GRIP2: variants seen among roughly 807,000 people sequenced by gnomAD.
The protein encoded by GRIP2 is glutamate receptor interacting protein 2, also known as glutamate receptor-interacting protein 2.
Under a neutral mutation model 108.3 loss-of-function variants are expected in GRIP2, and 58 were observed. The ratio of observed to expected loss-of-function variants is 0.54; its 90% CI spans 0.43 to 0.67. The LOEUF is 0.67. Ranked by LOEUF, GRIP2 falls within the 30% of genes least tolerant of loss-of-function variation. The pLI, the probability that GRIP2 is intolerant of heterozygous loss-of-function variation, is 0.00. For missense variants in GRIP2, 1,278 were observed against 1,430.6 expected (o/e 0.89, Z 1.72); for synonymous variants, 586 against 598.2 (o/e 0.98, Z 0.30).
intron 1 of GRIP2, among the ~76,000 whole-genome samples, chr3:14,526,628 TTA>T (rs1694560846): frequency 6.6e-6 from 1 of 152,204 alleles, no homozygotes. Context: ...TTTGAAAAGC[TTA>T]ATAGATGTAC....
chr3:14,514,394 AG>A lies in GRIP2; in HGVS notation c.1390del (p.Leu464SerfsTer95). 1 of 1,574,272 alleles carries A rather than the reference AG, an allele frequency of 6.4e-7. No homozygotes were observed. Among genetic ancestry groups the A allele is most frequent in the South Asian group, 1.2e-5 (1 of 85,392 alleles). ...TTEVVLCGDP[L>X]SGFGLQLQGG... is the part of the protein sequence containing the mutation. ...CTGGAGCTGGAGGCCAAAGCCGCTG[AG>A]GGGGTCTCCACAGAGCACGACCTCC... is the stretch of plus-strand genomic sequence containing the variant. On this transcript the variant is annotated frameshift_variant, in exon 12 of 24. Coordinates refer to ENST00000621039, the MANE Select transcript of GRIP2 (RefSeq NM_001080423.4). LOFTEE classifies it high-confidence loss of function.
intron 1 of GRIP2, among the ~76,000 whole-genome samples, chr3:14,553,656 C>T (rs1159300784): frequency 1.3e-5 from 2 of 152,152 alleles, no homozygotes; most frequent in Admixed American, 6.6e-5. Flanking sequence ...GGGCCTTACC[C>T]AGAAAAGATG....
chr3:14,524,565 T>G, intron 3 of GRIP2, 27 bp from the exon 4 acceptor site: 2 of 1,548,592 alleles, frequency 1.3e-6, no homozygotes, highest in Non-Finnish European at 1.7e-6. Flanking sequence ...AGGGCACACA[T>G]GGTAACAGGT....
At position 14,512,730 on chromosome 3, in the gene GRIP2, C is replaced by A. The variant is rs749102721; in HGVS notation, c.1720+47G>T. ...AGCTTGGCAAGCTCTTTTTCCCCAG[C>A]AGTTGAGCTCGCTCCCAGGGGCAAA... is the stretch of plus-strand genomic sequence containing the variant. On this transcript the variant is annotated intron_variant, in intron 14 of 23. Transcript: ENST00000621039. The surrounding 1 kb of genome is among the most constrained non-coding windows in gnomAD (Gnocchi z 5.1). 69 of 1,554,912 alleles carry A rather than the reference C, an allele frequency of 4.4e-5. 1 individual carries two copies. In the South Asian group the frequency reaches 7.7e-4, roughly 17 times the overall value.
At chr3:14,599,116 C>G in the GRIP2 span, among the ~76,000 whole-genome samples, 1 of 152,196 alleles carries the variant, frequency 6.6e-6, no homozygotes, top group African/African-American at 2.4e-5. Flanking sequence ...AATGTAAACT[C>G]TGTTTCACAG....
At chr3:14,555,286 A>T (rs972365023) in intron 1 of GRIP2, among the ~76,000 whole-genome samples, 2 of 148,500 alleles carry the variant, frequency 1.3e-5, no homozygotes, top group Non-Finnish European at 3.0e-5. Context: ...TCCCCCACAC[A>T]CAGCGCCCCT....
chr3:14,593,301 C>T, the GRIP2 span, among the ~76,000 whole-genome samples: 7 of 152,374 alleles, frequency 4.6e-5, no homozygotes, highest in Non-Finnish European at 8.8e-5. Context: ...AAAGCCACTC[C>T]GACTTTCCTC....
Position 14,489,745 on chromosome 3 carries a change from C to T in GRIP2, c.*3920G>A, listed in dbSNP as rs1325272086. On this transcript the variant is annotated 3_prime_UTR_variant, in exon 24 of 24. Coordinates refer to ENST00000621039, the MANE Select transcript of GRIP2 (RefSeq NM_001080423.4). ...GATGCTCTTGGCCTTAGGTGCTCAC[C>T]TGCTGCGGCTTTCAGTCCCTCCTCT... The T allele has an allele frequency of 6.6e-6, 1 of 152,292 alleles. No individual in the cohort carries two copies. Among genetic ancestry groups the T allele is most frequent in the Non-Finnish European group, 1.5e-5 (1 of 68,096 alleles). The allele number at this position is 152,292 out of a possible 1,614,324, so 9.4% of individuals were successfully genotyped here. A position where few individuals can be genotyped will look rare whatever the true frequency, so the allele number is the denominator to read the frequency against.
chr3:14,500,857 T>A (rs953305683), intron 21 of GRIP2, among the ~76,000 whole-genome samples: 1 of 152,114 alleles, frequency 6.6e-6, no homozygotes, highest in African/African-American at 2.4e-5. Context: ...GTTTGAGCAA[T>A]TTATAAGAAA....
chr3:14,588,545 C>T, the GRIP2 span, among the ~76,000 whole-genome samples: 1 of 152,124 alleles, frequency 6.6e-6, no homozygotes, highest in Non-Finnish European at 1.5e-5. Flanking sequence ...CTTCTGGGGT[C>T]CAGCCTCACT....
intron 1 of GRIP2, among the ~76,000 whole-genome samples, chr3:14,538,634 A>C (rs1487500092): frequency 6.6e-6 from 1 of 152,216 alleles, no homozygotes; most frequent in Non-Finnish European, 1.5e-5. Context: ...TGTGATCATG[A>C]GGTTCTGTGA....
chr3:14,574,787 T>G, the GRIP2 span: 7,908 of 367,470 alleles, frequency 0.022, 586 homozygotes, highest in African/African-American at 0.15. Flanking sequence ...CCACCAACTC[T>G]CGCTTCCCAC....
chr3:14,601,722 G>A, the GRIP2 span, among the ~76,000 whole-genome samples: 1 of 152,210 alleles, frequency 6.6e-6, no homozygotes, highest in Non-Finnish European at 1.5e-5. Flanking sequence ...GGACAGGAGG[G>A]GCAGGGACCA....
chr3:14,516,636 T>C (rs1321007779), intron 11 of GRIP2, among the ~76,000 whole-genome samples: 1 of 152,216 alleles, frequency 6.6e-6, no homozygotes, highest in African/African-American at 2.4e-5. Context: ...TCTCAGGCCA[T>C]GTCTTTGTCT....
Position 14,505,783 on chromosome 3 carries a change from T to C in GRIP2, c.2405A>G (p.Tyr802Cys). The C allele has an allele frequency of 6.5e-7, 1 of 1,537,068 alleles. No individual in the cohort carries two copies. Among genetic ancestry groups the C allele is most frequent in the South Asian group, 1.3e-5 (1 of 79,052 alleles). The part of the protein sequence containing the change: ...TEGGFGGPGS[Y>C]TPQAAARGTT... ...GCCCCGGGCTGCTGCCTGTGGTGTA[T>C]AGGACCCTGGTGGTGGAGAGAGGGC... The change falls in exon 20 of 24, where the codon TAT becomes TGT. Residue 802 changes from tyrosine to cysteine, a missense_variant. Transcript: ENST00000621039. This position sits in a 1 kb window ranked among gnomAD's most constrained non-coding sequence, Gnocchi z 4.2.
In GRIP2 at chr3:14,496,432, G is replaced by A; in HGVS notation, c.2808C>T (p.Pro936=). 1 of 1,611,822 alleles carries A rather than the reference G, an allele frequency of 6.2e-7. No homozygotes were observed. Among genetic ancestry groups the A allele is most frequent in the Non-Finnish European group, 8.5e-7 (1 of 1,178,892 alleles). ...CTGTGCCTACCTTGTGCATCTCCAA[G>A]GGTGTAGGCAGCAACAGCTCCTCCA... The part of the protein sequence containing the change: ...AEMEELLLPT[P]LEMHKVTLHK... Residue 936 remains proline, a synonymous_variant, in exon 22 of 24, where the codon CCC becomes CCT. Transcript: ENST00000621039.
At chr3:14,581,366 C>T in the GRIP2 span, among the ~76,000 whole-genome samples, 457 of 152,248 alleles carry the variant, frequency 3.0e-3, 2 homozygotes, top group Non-Finnish European at 3.5e-3. Context: ...TCCTGGCTTA[C>T]GGATGAGTTG....
At chr3:14,523,156 C>T (rs1283758880) in intron 5 of GRIP2, 81 bp from the exon 6 acceptor site, 2 of 1,044,230 alleles carry the variant, frequency 1.9e-6, no homozygotes, top group Non-Finnish European at 2.8e-6. Flanking sequence ...CCTGAGCAGG[C>T]TCCTTCAATA....
upstream of GRIP2, among the ~76,000 whole-genome samples, chr3:14,542,342 T>C (rs1024167431): frequency 2.0e-5 from 3 of 151,952 alleles, no homozygotes; most frequent in Non-Finnish European, 2.9e-5. Context: ...TTTGTAGTGA[T>C]GAGGTTTTCA....
Sources: allele counts gnomAD v4.1 joint callset (sites outside exome capture counted in the v4.1 genomes callset), GRCh38; gene constraint gnomAD v4.1.1; non-coding constraint Gnocchi (gnomAD v3.1); transcripts MANE v1.5; gene names NCBI Gene and HGNC (gene_info 2026-07-23, HGNC 2026-07-21).